The following TMEM178B variants were observed in gnomAD, a reference collection of about 807,000 sequenced individuals.
TMEM178B encodes the protein transmembrane protein 178B.
TMEM178B carries 5 observed loss-of-function variants against 31.0 expected under a neutral mutation model. The observed-to-expected ratio is 0.16, with a 90% CI of 0.08 to 0.34. TMEM178B has a LOEUF of 0.34. Ranked by LOEUF, TMEM178B falls within the 10% of genes least tolerant of loss-of-function variation. The pLI is 1.00. For missense variants in TMEM178B, 275 were observed against 400.3 expected, an observed-to-expected ratio of 0.69 and a Z score of 2.67; for synonymous variants, 164 against 164.0, an observed-to-expected ratio of 1.00 and a Z score of 0.00.
chr7:141,495,120 A>G, the TMEM178B span, among the ~76,000 whole-genome samples: 1 of 152,212 alleles, frequency 6.6e-6, no homozygotes, highest in South Asian at 2.1e-4. Context: ...TTTGCATCTC[A>G]CAGTTATTGC....
intron 1 of TMEM178B, among the ~76,000 whole-genome samples, chr7:141,097,231 T>C (rs1377430953): frequency 6.6e-6 from 1 of 151,694 alleles, no homozygotes; most frequent in African/African-American, 2.4e-5. Flanking sequence ...GCAGCTAACA[T>C]TGTGGCGGGC....
intron 2 of TMEM178B, among the ~76,000 whole-genome samples, chr7:141,229,290 C>T (rs1447839815): frequency 6.6e-6 from 1 of 151,810 alleles, no homozygotes; most frequent in Non-Finnish European, 1.5e-5. Flanking sequence ...ACAGTAAATC[C>T]AGCTAATCTT....
chr7:141,149,341 G>C (rs935463148), intron 1 of TMEM178B, among the ~76,000 whole-genome samples: 1 of 152,182 alleles, frequency 6.6e-6, no homozygotes, highest in Non-Finnish European at 1.5e-5. Context: ...TGGATTGCTT[G>C]AGCTCAGGAG....
At chr7:141,080,512 C>T (rs553921091) in intron 1 of TMEM178B, among the ~76,000 whole-genome samples, 1 of 152,188 alleles carries the variant, frequency 6.6e-6, no homozygotes, top group East Asian at 1.9e-4. Flanking sequence ...CCCAGCTACT[C>T]GAGAGGCTGA....
At chr7:141,403,814 A>G (rs942266230) in intron 2 of TMEM178B, among the ~76,000 whole-genome samples, 5 of 152,134 alleles carry the variant, frequency 3.3e-5, no homozygotes, top group Admixed American at 1.3e-4. Flanking sequence ...TACAGACACA[A>G]ATTTCTCCAG....
At chr7:141,168,186 G>A (rs1338298112) in intron 1 of TMEM178B, among the ~76,000 whole-genome samples, 1 of 152,110 alleles carries the variant, frequency 6.6e-6, no homozygotes, top group Non-Finnish European at 1.5e-5. Flanking sequence ...TAGCTGGGTT[G>A]TCTCTCTTTT....
chr7:141,290,566 C>T (rs563678565), intron 2 of TMEM178B, among the ~76,000 whole-genome samples: 23 of 152,318 alleles, frequency 1.5e-4, no homozygotes, highest in Admixed American at 4.6e-4. Flanking sequence ...CATGCACACA[C>T]GCACACACAC....
chr7:141,176,120 G>T (rs189470495), intron 1 of TMEM178B, among the ~76,000 whole-genome samples: 97 of 152,270 alleles, frequency 6.4e-4, no homozygotes, highest in Non-Finnish European at 1.2e-3. Context: ...TTATTATTTT[G>T]AGATATGTTC....
intron 1 of TMEM178B, among the ~76,000 whole-genome samples, chr7:141,181,650 A>C (rs1796531590): frequency 6.6e-6 from 1 of 152,242 alleles, no homozygotes; most frequent in Non-Finnish European, 1.5e-5. Flanking sequence ...ACTGTCAATG[A>C]CAAGACTAGG....
chr7:141,452,100 T>G (rs1395455395), intron 3 of TMEM178B, among the ~76,000 whole-genome samples: 1 of 152,198 alleles, frequency 6.6e-6, no homozygotes, highest in African/African-American at 2.4e-5. Context: ...TCTCTTTGCT[T>G]TTTACCTAAA....
At chr7:141,256,642 A>G (rs1797933883) in intron 2 of TMEM178B, among the ~76,000 whole-genome samples, 1 of 152,144 alleles carries the variant, frequency 6.6e-6, no homozygotes, top group African/African-American at 2.4e-5. Flanking sequence ...AATAAGATAT[A>G]TACTTGAAAG....
chr7:141,128,548 A>G (rs1017612933), intron 1 of TMEM178B, among the ~76,000 whole-genome samples: 1 of 152,156 alleles, frequency 6.6e-6, no homozygotes, highest in African/African-American at 2.4e-5. Flanking sequence ...CTTGAAAAAA[A>G]AAAAGCTCCA....
At chr7:141,328,657 T>A (rs535991085) in intron 2 of TMEM178B, among the ~76,000 whole-genome samples, 4 of 152,332 alleles carry the variant, frequency 2.6e-5, no homozygotes, top group Non-Finnish European at 5.9e-5. Flanking sequence ...AAGCTTTCCT[T>A]CTGCTCAGAA....
rs187452801 is a variant in TMEM178B at position 141,277,333 on chromosome 7, T to C, written c.496+64629T>C. Among the ~76,000 whole-genome samples the C allele has an allele frequency of 2.6e-5, 4 of 152,314 alleles. No individual in the cohort carries two copies. The East Asian group carries it at 7.7e-4, about 29-fold the overall frequency. Reference sequence around the variant, plus strand: ...ATTTATTTTTTACTTTTTAAACTTCTTTGTTAAAAACAAAGATACACATAC... The same window carrying C: ...ATTTATTTTTTACTTTTTAAACTTCCTTGTTAAAAACAAAGATACACATAC... On this transcript the variant is annotated intron_variant, in intron 2 of 3. Transcript: ENST00000565468.
intron 2 of TMEM178B, among the ~76,000 whole-genome samples, chr7:141,356,488 T>C (rs1048806901): frequency 6.6e-5 from 10 of 152,148 alleles, no homozygotes; most frequent in African/African-American, 2.2e-4. Context: ...GGAGCATTTT[T>C]TCATATGTTT....
the TMEM178B span, among the ~76,000 whole-genome samples, chr7:141,501,740 A>G: frequency 2.0e-5 from 3 of 152,204 alleles, no homozygotes; most frequent in Non-Finnish European, 4.4e-5. Context: ...AAGTCGCAAC[A>G]TTAACCCTTC....
chr7:141,403,990 T>C (rs899649651), intron 2 of TMEM178B, among the ~76,000 whole-genome samples: 5 of 152,170 alleles, frequency 3.3e-5, no homozygotes, highest in African/African-American at 1.2e-4. Flanking sequence ...CATAACCACC[T>C]GTCATATACC....
intron 2 of TMEM178B, among the ~76,000 whole-genome samples, chr7:141,386,721 C>T (rs115016267): frequency 0.012 from 1,772 of 152,262 alleles, 24 homozygotes; most frequent in African/African-American, 0.038. Flanking sequence ...CATATACCTG[C>T]GTTATCTTCG....
intron 1 of TMEM178B, among the ~76,000 whole-genome samples, chr7:141,201,002 C>G (rs577097177): frequency 6.6e-6 from 1 of 152,178 alleles, no homozygotes; most frequent in South Asian, 2.1e-4. Flanking sequence ...GAATCACGAT[C>G]CAAAATTTTT....
Sources: allele counts gnomAD v4.1 joint callset (sites outside exome capture counted in the v4.1 genomes callset), GRCh38; gene constraint gnomAD v4.1.1; transcripts MANE v1.5; gene names NCBI Gene and HGNC (gene_info 2026-07-23, HGNC 2026-07-21).